Variants in GABRA5 observed in about 807,000 individuals in gnomAD.
GABRA5 encodes gamma-aminobutyric acid receptor subunit alpha-5.
In GABRA5, 18 loss-of-function variants were observed where a neutral mutation model predicts 47.3. The observed-to-expected ratio is 0.38, with a 90% CI of 0.26 to 0.56. The LOEUF (loss-of-function observed/expected upper bound fraction) is 0.56, where lower values mean the gene tolerates loss of function less well. Among genes scored for constraint, GABRA5 ranks in the 20% least tolerant of loss-of-function variants. The pLI is 0.71. For missense variants in GABRA5, 365 were observed against 599.3 expected, an observed-to-expected ratio of 0.61 and a Z score of 4.08; for synonymous variants, 237 against 229.3, an observed-to-expected ratio of 1.03 and a Z score of -0.30.
At chr15:26,937,074 A>G in intron 7 of GABRA5, 111 bp from the exon 8 acceptor site, 1 of 1,360,926 alleles carries the variant, frequency 7.3e-7, no homozygotes, top group Non-Finnish European at 1.0e-6. Context: ...TGGAACCTTG[A>G]CTTTTCAAAC....
chr15:26,925,925 G>A (rs1874546909), intron 7 of GABRA5, among the ~76,000 whole-genome samples: 2 of 152,222 alleles, frequency 1.3e-5, no homozygotes, highest in Admixed American at 6.5e-5. Context: ...CTCCCCGCAT[G>A]CATATGCATA....
rs990613421 is a variant in GABRA5, at chr15:26,893,065, C to T, written c.497+9508C>T. ...GTGTGGTGTGTCTGTTGTGTGTGTA[C>T]GCTGTGTGGCGTGTTTGGGGGTGTA... On this transcript the variant is annotated intron_variant, in intron 6 of 10. Transcript: ENST00000335625. 3.5e-5 allele frequency among the ~76,000 whole-genome samples: 5 copies of T among 143,702 alleles called. No individual in the cohort carries two copies. In the East Asian group the frequency reaches 8.5e-4, roughly 24 times the overall value. 94.3% of individuals were successfully genotyped at this position (143,702 alleles called of 152,430 possible). A position where few individuals can be genotyped will look rare whatever the true frequency, so the allele number is the denominator to read the frequency against.
intron 6 of GABRA5, among the ~76,000 whole-genome samples, chr15:26,897,280 G>A (rs983656910): frequency 1.3e-5 from 2 of 152,054 alleles, no homozygotes; most frequent in African/African-American, 4.8e-5. Context: ...CATTAGGAAG[G>A]GCCCTCATCC....
chr15:26,879,123 G>T (rs1892665301), intron 3 of GABRA5, among the ~76,000 whole-genome samples: 1 of 152,212 alleles, frequency 6.6e-6, no homozygotes, highest in African/African-American at 2.4e-5. Flanking sequence ...TCACCATTAA[G>T]ATCTGCTTTT....
intron 6 of GABRA5, among the ~76,000 whole-genome samples, chr15:26,892,848 C>A (rs1034286637): frequency 1.3e-5 from 2 of 151,726 alleles, no homozygotes; most frequent in African/African-American, 4.8e-5. Context: ...GCAAGTTGTG[C>A]GGGGAGGATG....
intron 7 of GABRA5, among the ~76,000 whole-genome samples, chr15:26,932,681 C>T (rs533836615): frequency 2.4e-4 from 36 of 152,208 alleles, no homozygotes; most frequent in Admixed American, 7.8e-4. Flanking sequence ...GTTCATTGCA[C>T]CATTCACAAC....
Position 26,937,292 on chromosome 15 carries a change from C to A in GABRA5, c.688C>A (p.Gln230Lys), listed in dbSNP as rs1266663568. The A allele has an allele frequency of 6.2e-7, 1 of 1,613,568 alleles. No homozygotes were observed. Among genetic ancestry groups the A allele is most frequent in the South Asian group, 1.1e-5 (1 of 91,030 alleles). Residue 230 changes from glutamine (Q) to lysine (K), a missense_variant, in exon 8 of 11, where the codon CAG (glutamine) becomes AAG (lysine). Physicochemically the swap from Gln to Lys is moderately conservative, Grantham distance 53. Transcript: ENST00000335625. Reference protein sequence around the residue: ...SRLNQYHLMGQTVGTENISTS... With the variant: ...SRLNQYHLMGKTVGTENISTS... ...ACTGAACCAGTACCACCTGATGGGG[C>A]AGACGGTGGGCACTGAGAACATCAG...
intron 3 of GABRA5, among the ~76,000 whole-genome samples, chr15:26,873,396 T>TA (rs34744862): frequency 0.31 from 46,465 of 152,020 alleles, 7,144 homozygotes; most frequent in Middle Eastern, 0.35. Flanking sequence ...TACTGATTGA[T>TA]AAAAAAATCT....
At chr15:26,905,959 TAA>T (rs1476990971) in intron 6 of GABRA5, among the ~76,000 whole-genome samples, 1 of 152,128 alleles carries the variant, frequency 6.6e-6, no homozygotes, top group Non-Finnish European at 1.5e-5. Context: ...TGTTTTCTAG[TAA>T]GTCTAATGTC....
At chr15:26,939,543 C>A in intron 8 of GABRA5, 3 of 650,554 alleles carry the variant, frequency 4.6e-6, no homozygotes, top group Middle Eastern at 4.0e-4. Context: ...ACTCTGTCCA[C>A]CCTCTGCAGG....
chr15:26,945,218 C>A (rs1894482807), intron 10 of GABRA5, among the ~76,000 whole-genome samples: 3 of 152,212 alleles, frequency 2.0e-5, no homozygotes, highest in Non-Finnish European at 2.9e-5. Flanking sequence ...GTGCTGGAAG[C>A]CATGGTGCAT....
intron 6 of GABRA5, among the ~76,000 whole-genome samples, chr15:26,885,327 C>T (rs2140259246): frequency 6.7e-6 from 1 of 150,348 alleles, no homozygotes; most frequent in African/African-American, 2.4e-5. Flanking sequence ...AATGTGGTGA[C>T]TCAGGCAAGA....
At chr15:26,934,309 C>T (rs1038875888) in intron 7 of GABRA5, among the ~76,000 whole-genome samples, 3 of 150,584 alleles carry the variant, frequency 2.0e-5, no homozygotes, top group Admixed American at 6.6e-5. Flanking sequence ...AATGGGAAGC[C>T]TAGAGATATG....
At chr15:26,919,895 CT>C (rs919231776) in intron 7 of GABRA5, among the ~76,000 whole-genome samples, 2 of 151,800 alleles carry the variant, frequency 1.3e-5, no homozygotes, top group East Asian at 1.9e-4. Context: ...GCCAGGTATA[CT>C]TTTTTTTCAG....
intron 3 of GABRA5, among the ~76,000 whole-genome samples, chr15:26,873,811 A>G (rs1187455225): frequency 2.0e-5 from 3 of 152,216 alleles, no homozygotes; most frequent in Non-Finnish European, 4.4e-5. Context: ...AGCAGGGAGC[A>G]GGAACACAAG....
intron 10 of GABRA5, among the ~76,000 whole-genome samples, chr15:26,945,564 A>C (rs1423955226): frequency 6.6e-6 from 1 of 152,138 alleles, no homozygotes; most frequent in African/African-American, 2.4e-5. Flanking sequence ...GAGTTGCCTC[A>C]TGTCAGGGAT....
chr15:26,935,447 C>T (rs762155199), intron 7 of GABRA5, among the ~76,000 whole-genome samples: 15 of 152,348 alleles, frequency 9.8e-5, no homozygotes, highest in Non-Finnish European at 1.9e-4. Flanking sequence ...GAAAGCGGCT[C>T]ACAGGACTTG....
At chr15:26,937,377 A>G in intron 8 of GABRA5, 49 bp downstream of exon 8, 1 of 1,530,822 alleles carries the variant, frequency 6.5e-7, no homozygotes, top group African/African-American at 1.4e-5. Context: ...AGGACACCAC[A>G]CCCTTGGAGA....
intron 9 of GABRA5, among the ~76,000 whole-genome samples, chr15:26,941,826 C>T (rs1327599971): frequency 1.3e-5 from 2 of 152,154 alleles, no homozygotes; most frequent in Non-Finnish European, 2.9e-5. Context: ...TGTCTGTCTC[C>T]AAGGTTCCCC....
Sources: allele counts gnomAD v4.1 joint callset (sites outside exome capture counted in the v4.1 genomes callset), GRCh38; gene constraint gnomAD v4.1.1; transcripts MANE v1.5; gene names NCBI Gene and HGNC (gene_info 2026-07-23, HGNC 2026-07-21).